The following PDZRN4 variants were observed in gnomAD, a reference collection of about 807,000 sequenced individuals.
PDZRN4 encodes the protein PDZ domain containing ring finger 4, also known as PDZ domain-containing RING finger protein 4.
PDZRN4 carries 70 observed loss-of-function variants against 99.0 expected under a neutral mutation model. That is an observed-to-expected ratio of 0.71 (90% CI 0.58 to 0.86). PDZRN4 has a LOEUF of 0.86. Ranked by LOEUF, PDZRN4 falls within the 40% of genes least tolerant of loss-of-function variation. The pLI, the probability that PDZRN4 is intolerant of heterozygous loss-of-function variation, is 0.00. For synonymous variants in PDZRN4, 551 were observed against 501.6 expected, an observed-to-expected ratio of 1.10 and a Z score of -1.32; for missense variants, 1,474 against 1,331.2, an observed-to-expected ratio of 1.11 and a Z score of -1.67.
intron 3 of PDZRN4, among the ~76,000 whole-genome samples, chr12:41,270,187 G>T (rs796110537): frequency 6.6e-6 from 1 of 151,908 alleles, no homozygotes; most frequent in Non-Finnish European, 1.5e-5. Flanking sequence ...AATTAAATGC[G>T]CTAATAGATG....
At chr12:41,516,206 A>G (rs1938398795) in intron 5 of PDZRN4, among the ~76,000 whole-genome samples, 1 of 152,020 alleles carries the variant, frequency 6.6e-6, no homozygotes, top group Non-Finnish European at 1.5e-5. Context: ...TGTCGTTTAG[A>G]TTATGCCCCA....
intron 3 of PDZRN4, among the ~76,000 whole-genome samples, chr12:41,308,184 A>C (rs1951584419): frequency 6.6e-6 from 1 of 152,024 alleles, no homozygotes; most frequent in Non-Finnish European, 1.5e-5. Flanking sequence ...CCTTTTATTA[A>C]GGTAAAACTA....
intron 3 of PDZRN4, among the ~76,000 whole-genome samples, chr12:41,370,381 C>T (rs1052353404): frequency 3.3e-5 from 5 of 151,890 alleles, no homozygotes; most frequent in East Asian, 1.9e-4. Context: ...CAGTTATTTT[C>T]CCTTGGTCCT....
chr12:41,414,065 A>T (rs1952422097), intron 3 of PDZRN4, among the ~76,000 whole-genome samples: 2 of 151,970 alleles, frequency 1.3e-5, no homozygotes, highest in South Asian at 4.1e-4. Flanking sequence ...TTCTCCACTT[A>T]CTCACTTAGT....
At chr12:41,379,058 C>T (rs1952103130) in intron 3 of PDZRN4, among the ~76,000 whole-genome samples, 1 of 151,982 alleles carries the variant, frequency 6.6e-6, no homozygotes, top group South Asian at 2.1e-4. Flanking sequence ...CTTTATTCAT[C>T]ATTGTGCCTT....
At chr12:41,450,470 A>G (rs948828829) in intron 3 of PDZRN4, among the ~76,000 whole-genome samples, 6 of 152,182 alleles carry the variant, frequency 3.9e-5, no homozygotes, top group Non-Finnish European at 7.3e-5. Flanking sequence ...TGCTAACCAT[A>G]TTTCCCATGT....
intron 3 of PDZRN4, among the ~76,000 whole-genome samples, chr12:41,217,308 G>T (rs1312964724): frequency 6.6e-6 from 1 of 152,006 alleles, no homozygotes; most frequent in East Asian, 1.9e-4. Context: ...ACAGGGCTCA[G>T]GTTTAGAGGG....
intron 3 of PDZRN4, among the ~76,000 whole-genome samples, chr12:41,231,173 A>G (rs1421294918): frequency 1.3e-5 from 2 of 152,130 alleles, no homozygotes; most frequent in Non-Finnish European, 2.9e-5. Flanking sequence ...CTAAACAGAT[A>G]CAGGGAGTTA....
At chr12:41,510,944 G>A (rs1234298353) in intron 5 of PDZRN4, among the ~76,000 whole-genome samples, 4 of 152,028 alleles carry the variant, frequency 2.6e-5, no homozygotes, top group African/African-American at 7.2e-5. Flanking sequence ...TGTTGTTCAT[G>A]TTAAATTTTT....
At chr12:41,347,634 A>G (rs1951864360) in intron 3 of PDZRN4, among the ~76,000 whole-genome samples, 1 of 148,404 alleles carries the variant, frequency 6.7e-6, no homozygotes, top group Admixed American at 6.7e-5. Context: ...AGCTGCATAA[A>G]TTTTTAAATT....
intron 3 of PDZRN4, among the ~76,000 whole-genome samples, chr12:41,377,396 G>A (rs1033689680): frequency 3.3e-5 from 5 of 152,114 alleles, no homozygotes; most frequent in South Asian, 4.1e-4. Flanking sequence ...TGTCTTCAAC[G>A]TCTTTCTTAA....
At position 41,573,252 on chromosome 12, in the gene PDZRN4, G is replaced by A. The variant is rs760195541; in HGVS notation, c.2473G>A (p.Glu825Lys). ...TCCTGATCAAGAGAAGGCAGTCAGCGAACACATCCCTTACCTCTCTCCTTA... is the reference window on the plus strand; with the variant it reads ...TCCTGATCAAGAGAAGGCAGTCAGCAAACACATCCCTTACCTCTCTCCTTA... ...KLPDQEKAVS[E>K]HIPYLSPYHS... The change falls in exon 10 of 10, where the codon GAA (glutamate) becomes AAA (lysine). Residue 825 changes from glutamate to lysine, a missense_variant. Glu to Lys is a moderately conservative substitution (Grantham distance 56). Coordinates refer to ENST00000402685, the MANE Select transcript of PDZRN4 (RefSeq NM_001164595.2). 2 of 1,613,946 alleles carry A rather than the reference G, an allele frequency of 1.2e-6. No individual in the cohort carries two copies. Among genetic ancestry groups the A allele is most frequent in the Non-Finnish European group, 1.7e-6 (2 of 1,180,014 alleles).
chr12:41,355,894 C>T (rs920855940), intron 3 of PDZRN4, among the ~76,000 whole-genome samples: 3 of 152,040 alleles, frequency 2.0e-5, no homozygotes, highest in African/African-American at 7.2e-5. Flanking sequence ...CATGCCATTA[C>T]TCAGTACAAT....
chr12:41,188,364 A>G lies in PDZRN4; in HGVS notation c.-92A>G, dbSNP rs1950706954. On this transcript the variant is annotated 5_prime_UTR_variant, in exon 1 of 10. Coordinates refer to ENST00000402685, the MANE Select transcript of PDZRN4 (RefSeq NM_001164595.2). ...ACCTCCCTCCACTGCCGCCGCCGCG[A>G]GACGGCTGCCCCGGGGGTGGCCCGG... is the stretch of plus-strand genomic sequence containing the variant. 2 of 1,259,158 alleles carry G rather than the reference A, an allele frequency of 1.6e-6. No homozygotes were observed. The highest frequency in any genetic ancestry group is 2.1e-6 in the Non-Finnish European group (2 of 944,478). 78.0% of individuals were successfully genotyped at this position (1,259,158 alleles called of 1,614,324 possible). A position where few individuals can be genotyped will look rare whatever the true frequency, so the allele number is the denominator to read the frequency against.
intron 3 of PDZRN4, among the ~76,000 whole-genome samples, chr12:41,353,895 T>C (rs371463242): frequency 2.0e-5 from 3 of 152,108 alleles, no homozygotes; most frequent in South Asian, 2.1e-4. Context: ...CATATCAGCC[T>C]AAGGAGTTTG....
rs192616671 is a variant in PDZRN4 at position 41,199,712 on chromosome 12, G to A, written c.843+5524G>A. Among the ~76,000 whole-genome samples, 8 of 152,062 alleles carry A rather than the reference G, an allele frequency of 5.3e-5. No individual in the cohort carries two copies. The South Asian group carries it at 8.3e-4, about 16-fold the overall frequency. On this transcript the variant is annotated intron_variant, in intron 3 of 9. Coordinates refer to ENST00000402685, the MANE Select transcript of PDZRN4 (RefSeq NM_001164595.2). The stretch of plus-strand genomic sequence containing the variant: ...ACAAGAATGAAATTGTGTGTTTTGC[G>A]CAACATAGATGGAACTAGAGGCCAT...
intron 3 of PDZRN4, among the ~76,000 whole-genome samples, chr12:41,386,780 T>C (rs1952173652): frequency 6.6e-6 from 1 of 152,046 alleles, no homozygotes; most frequent in Non-Finnish European, 1.5e-5. Flanking sequence ...AAGTGACACA[T>C]AGACCAATGG....
chr12:41,282,430 T>C (rs765938320), intron 3 of PDZRN4, among the ~76,000 whole-genome samples: 3 of 152,278 alleles, frequency 2.0e-5, no homozygotes, highest in Non-Finnish European at 4.4e-5. Context: ...GGGGGAGATT[T>C]TAACACCCCA....
chr12:41,464,691 A>G (rs1012819020), intron 3 of PDZRN4, among the ~76,000 whole-genome samples: 2 of 152,196 alleles, frequency 1.3e-5, no homozygotes, highest in Non-Finnish European at 2.9e-5. Context: ...TAATTTAGTC[A>G]TCACTCTTAG....
Sources: gnomAD v4.1 joint callset for allele counts (sites outside exome capture counted in the v4.1 genomes callset) on GRCh38, gnomAD v4.1.1 for gene constraint, MANE v1.5 for transcripts, NCBI Gene and HGNC (gene_info 2026-07-23, HGNC 2026-07-21) for gene names.